The following SUN1 variants were observed in gnomAD, a reference collection of about 807,000 sequenced individuals.
The protein encoded by SUN1 is SUN domain-containing protein 1.
A neutral mutation model predicts 103.2 loss-of-function variants in SUN1; 61 were observed. The ratio of observed to expected loss-of-function variants is 0.59; its 90% CI spans 0.48 to 0.73. The LOEUF (loss-of-function observed/expected upper bound fraction) is 0.73, where lower values mean the gene tolerates loss of function less well. Among genes scored for constraint, SUN1 ranks in the 30% least tolerant of loss-of-function variants. The pLI, the probability that SUN1 is intolerant of heterozygous loss-of-function variation, is 0.00. For missense variants in SUN1, 1,052 were observed against 1,034.6 expected (o/e 1.02, Z -0.23); for synonymous variants, 490 against 425.7 (o/e 1.15, Z -1.86).
At chr7:815,740 C>T (rs1032013728), upstream of SUN1, 1 of 170,590 alleles carries the variant, frequency 5.9e-6, no homozygotes, top group East Asian at 1.9e-4. Flanking sequence ...GCGTTTCCAT[C>T]AGCAGGGGCC....
At chr7:817,068 C>T (rs974554436) in intron 1 of SUN1, among the ~76,000 whole-genome samples, 1 of 152,040 alleles carries the variant, frequency 6.6e-6, no homozygotes, top group Non-Finnish European at 1.5e-5. Flanking sequence ...CCCGCCTGGA[C>T]CCCGTTGCGG....
intron 1 of SUN1, among the ~76,000 whole-genome samples, chr7:819,821 G>A (rs186267353): frequency 2.7e-5 from 4 of 148,376 alleles, no homozygotes; most frequent in East Asian, 2.0e-4. Context: ...CGCTTCTCCC[G>A]CCTCAGCCTC....
chr7:830,506 CTTAAAA>C (rs1796957367), upstream of SUN1, among the ~76,000 whole-genome samples: 1 of 152,138 alleles, frequency 6.6e-6, no homozygotes, highest in Non-Finnish European at 1.5e-5. Context: ...GGAACATAAA[CTTAAAA>C]TTCACGTGAT....
At chr7:855,507 C>G (rs988118063) in intron 11 of SUN1, among the ~76,000 whole-genome samples, 11 of 152,196 alleles carry the variant, frequency 7.2e-5, no homozygotes, top group Non-Finnish European at 1.2e-4. Context: ...GGTTCCGGCT[C>G]TTTGTGTCTC....
At chr7:862,897 A>T (rs766279472) in intron 15 of SUN1, among the ~76,000 whole-genome samples, 3 of 152,184 alleles carry the variant, frequency 2.0e-5, no homozygotes, top group Non-Finnish European at 4.4e-5. Context: ...CACGTCTGTA[A>T]TCCCAGCACT....
chr7:851,653 C>A, intron 6 of SUN1, 171 bp downstream of exon 6: 1 of 695,690 alleles, frequency 1.4e-6, no homozygotes, highest in Non-Finnish European at 2.4e-6. Flanking sequence ...ACTGTACTTG[C>A]TGCATGAGCG....
chr7:816,530 TC>T (rs1780548759), upstream of SUN1: 1 of 344,654 alleles, frequency 2.9e-6, no homozygotes, highest in African/African-American at 2.3e-5. Flanking sequence ...CCAGAACGCT[TC>T]GGGTGGCGCG....
intron 5 of SUN1, chr7:849,724 C>T (rs753861707): frequency 1.1e-5 from 13 of 1,190,972 alleles, no homozygotes; most frequent in African/African-American, 3.0e-5. Context: ...TCACTGATGA[C>T]GACGGGCTGT....
chr7:858,372 T>C (rs1455632486), intron 13 of SUN1, among the ~76,000 whole-genome samples: 1 of 133,224 alleles, frequency 7.5e-6, no homozygotes, highest in Non-Finnish European at 1.6e-5. Flanking sequence ...GTTGTTTAAT[T>C]TCAACTCCCT....
At chr7:832,221 G>A (rs1178063187), upstream of SUN1, 1 of 692,948 alleles carries the variant, frequency 1.4e-6, no homozygotes, top group African/African-American at 1.8e-5. Context: ...CGTGTTTCTT[G>A]GAAGGTGCCC....
chr7:837,740 G>C (rs576525593), intron 1 of SUN1, among the ~76,000 whole-genome samples: 2 of 152,202 alleles, frequency 1.3e-5, no homozygotes, highest in East Asian at 3.8e-4. Flanking sequence ...GCCAGCATCC[G>C]TGTCCTCCTG....
At chr7:856,459 G>T in intron 12 of SUN1, 58 bp downstream of exon 12, 1 of 1,600,352 alleles carries the variant, frequency 6.2e-7, no homozygotes, top group South Asian at 1.1e-5. Context: ...TGGTTATGTG[G>T]AGCGGCAGCA....
chr7:836,161 G>A (rs895038385), intron 1 of SUN1, among the ~76,000 whole-genome samples: 3 of 152,272 alleles, frequency 2.0e-5, no homozygotes, highest in Middle Eastern at 3.4e-3. Flanking sequence ...GCTGAGCCAA[G>A]CGTGTGTCTA....
At position 860,236 on chromosome 7, in the gene SUN1, G is replaced by A. The variant is rs1831130031; in HGVS notation, c.1633G>A (p.Gly545Ser). ...GTTCTCATCACAGTTTGTGAGCAAA[G>A]GCGACTTGCAGACGATGCTGCGAGA... ...QRFSSQFVSKGDLQTMLRDLQ... is the reference protein window; with the variant it reads ...QRFSSQFVSKSDLQTMLRDLQ... Residue 545 changes from glycine to serine, a missense_variant, in exon 14 of 19, where the codon GGC (glycine) becomes AGC (serine). By Grantham distance (56) the Gly-to-Ser change is moderately conservative (BLOSUM62 0). Around this residue, in one of 2 missense-constraint regions of SUN1, gnomAD observed 846 missense variants for 774.5 expected, o/e 1.09. Coordinates refer to ENST00000401592, the MANE Select transcript of SUN1 (RefSeq NM_001130965.3). 4 of 1,614,134 alleles carry A rather than the reference G, an allele frequency of 2.5e-6. No individual in the cohort carries two copies. Among genetic ancestry groups the A allele is most frequent in the Non-Finnish European group, 3.4e-6 (4 of 1,180,056 alleles).
chr7:852,275 C>G, intron 7 of SUN1: 1 of 603,910 alleles, frequency 1.7e-6, no homozygotes, highest in East Asian at 2.8e-5. Context: ...CTGGGAGGGC[C>G]TGGGCAGGAT....
chr7:837,579 T>C (rs745964141), intron 1 of SUN1, among the ~76,000 whole-genome samples: 1 of 152,236 alleles, frequency 6.6e-6, no homozygotes, highest in Non-Finnish European at 1.5e-5. Flanking sequence ...TTGTCAGTCT[T>C]GTCTCCTTGT....
At chr7:833,606 C>T (rs1442949297) in intron 1 of SUN1, among the ~76,000 whole-genome samples, 4 of 152,078 alleles carry the variant, frequency 2.6e-5, no homozygotes, top group East Asian at 1.9e-4. Context: ...CCACCGTGCC[C>T]GGTCTCAGTG....
chr7:824,159 T>C (rs896909131), intron 1 of SUN1, among the ~76,000 whole-genome samples: 7 of 152,188 alleles, frequency 4.6e-5, no homozygotes, highest in African/African-American at 1.7e-4. Flanking sequence ...TATCCTTATG[T>C]GTATGTGGTC....
At chr7:834,635 C>G (rs2128236991) in intron 1 of SUN1, among the ~76,000 whole-genome samples, 1 of 152,326 alleles carries the variant, frequency 6.6e-6, no homozygotes, top group South Asian at 2.1e-4. Flanking sequence ...TCTTGCAGCC[C>G]TCCCCGCACA....
Sources: allele counts gnomAD v4.1 joint callset (sites outside exome capture counted in the v4.1 genomes callset), GRCh38; gene constraint gnomAD v4.1.1; regional missense constraint gnomAD v4.1.1; transcripts MANE v1.5; gene names NCBI Gene and HGNC (gene_info 2026-07-23, HGNC 2026-07-21).